The following PELI1 variants were observed in gnomAD, a reference collection of about 807,000 sequenced individuals.
PELI1 encodes E3 ubiquitin-protein ligase pellino homolog 1.
A neutral mutation model predicts 41.3 loss-of-function variants in PELI1; 15 were observed. That is an observed-to-expected ratio of 0.36 (90% CI 0.24 to 0.56). The LOEUF (loss-of-function observed/expected upper bound fraction) is 0.56, where lower values mean the gene tolerates loss of function less well. Among genes scored for constraint, PELI1 ranks in the 20% least tolerant of loss-of-function variants. The pLI is 0.82. For synonymous variants in PELI1, 178 were observed against 180.1 expected (o/e 0.99, Z 0.09); for missense variants, 403 against 525.5 (o/e 0.77, Z 2.28).
At chr2:64,108,170 C>A in intron 2 of PELI1, 70 bp downstream of exon 2, 3 of 834,978 alleles carry the variant, frequency 3.6e-6, no homozygotes, top group Non-Finnish European at 5.9e-6. Context: ...AAAAAAAGTA[C>A]TTTTAGCCTA....
chr2:64,124,786 C>T (rs1404550928), intron 1 of PELI1, among the ~76,000 whole-genome samples: 4 of 152,160 alleles, frequency 2.6e-5, no homozygotes, highest in Non-Finnish European at 5.9e-5. Flanking sequence ...GGGCATCCAA[C>T]AAATCAATTC....
chr2:64,108,096 G>T, intron 2 of PELI1, 144 bp downstream of exon 2: 1 of 586,456 alleles, frequency 1.7e-6, no homozygotes, highest in Non-Finnish European at 3.0e-6. Context: ...AGAGTTTCTT[G>T]ATTTGGTAAC....
At chr2:64,138,079 G>C (rs183547742) in intron 1 of PELI1, among the ~76,000 whole-genome samples, 1 of 151,990 alleles carries the variant, frequency 6.6e-6, no homozygotes, top group African/African-American at 2.4e-5. Flanking sequence ...CGCTCACCCT[G>C]ATCTAGTTAC....
At chr2:64,128,058 TATC>T (rs1434589224) in intron 1 of PELI1, among the ~76,000 whole-genome samples, 3 of 152,106 alleles carry the variant, frequency 2.0e-5, no homozygotes, top group African/African-American at 7.2e-5. Flanking sequence ...TAAAAAAAAA[TATC>T]AACCAGTTTT....
At chr2:64,142,397 A>T (rs1161142406) in intron 1 of PELI1, among the ~76,000 whole-genome samples, 1 of 152,200 alleles carries the variant, frequency 6.6e-6, no homozygotes, top group Non-Finnish European at 1.5e-5. Flanking sequence ...AATTTAAGAG[A>T]ATTTAGAGTA....
intron 3 of PELI1, among the ~76,000 whole-genome samples, chr2:64,101,098 C>G (rs1199058187): frequency 1.3e-5 from 2 of 151,958 alleles, no homozygotes; most frequent in Admixed American, 6.6e-5. Flanking sequence ...AAAACCAAAT[C>G]CCACATAAAA....
intron 1 of PELI1, among the ~76,000 whole-genome samples, chr2:64,143,821 G>GGCC (rs947459070): frequency 6.6e-6 from 1 of 151,756 alleles, no homozygotes; most frequent in African/African-American, 2.4e-5. Context: ...GCTCGGAGTT[G>GGCC]GCCGCCGCGC....
intron 1 of PELI1, among the ~76,000 whole-genome samples, chr2:64,133,949 A>G (rs1681640254): frequency 6.6e-6 from 1 of 152,082 alleles, no homozygotes; most frequent in African/African-American, 2.4e-5. Context: ...ATGATCTCTG[A>G]CTCAGACTGC....
intron 4 of PELI1, among the ~76,000 whole-genome samples, chr2:64,098,390 T>C (rs1680313051): frequency 1.3e-5 from 2 of 152,212 alleles, no homozygotes. Context: ...TCCAGCCGAA[T>C]TTCCTGCTAT....
chr2:64,108,011 C>T (rs1680679094), intron 2 of PELI1, among the ~76,000 whole-genome samples: 1 of 152,154 alleles, frequency 6.6e-6, no homozygotes, highest in African/African-American at 2.4e-5. Flanking sequence ...TCTGCCCTTT[C>T]TGTGGGTAAG....
chr2:64,095,266 C>T lies in PELI1; in HGVS notation c.693G>A (p.Val231=). Residue 231 remains valine (V), a splice_region_variant and synonymous_variant, in exon 7 of 7, where the codon GTG becomes GTA. Coordinates refer to ENST00000358912, the MANE Select transcript of PELI1 (RefSeq NM_020651.4). Reference sequence around the variant, plus strand: ...CTTGTAACTGATTGGTTTCAATTTCCACCTAGAGGAGACAAGAGTTGAAAA... The same window carrying T: ...CTTGTAACTGATTGGTTTCAATTTCTACCTAGAGGAGACAAGAGTTGAAAA... The part of the protein sequence containing the change: ...TRSAQQRGKM[V]EIETNQLQDG... 6.2e-7 allele frequency: 1 copy of T among 1,606,782 alleles called. No homozygotes were observed. The highest frequency in any genetic ancestry group is 8.5e-7 in the Non-Finnish European group (1 of 1,173,894).
At chr2:64,140,810 A>AAAAAAAAAAC (rs1558490182) in intron 1 of PELI1, among the ~76,000 whole-genome samples, 3 of 147,120 alleles carry the variant, frequency 2.0e-5, no homozygotes, top group African/African-American at 7.6e-5. Context: ...CAAACAAACA[A>AAAAAAAAAAC]AAAAAAACCT....
At chr2:64,117,058 C>A (rs1041582893) in intron 1 of PELI1, among the ~76,000 whole-genome samples, 4 of 152,102 alleles carry the variant, frequency 2.6e-5, no homozygotes, top group Non-Finnish European at 5.9e-5. Flanking sequence ...GTTCTGACTG[C>A]TCTACTGTTT....
At chr2:64,098,865 G>T (rs1680329417) in intron 4 of PELI1, among the ~76,000 whole-genome samples, 1 of 152,096 alleles carries the variant, frequency 6.6e-6, no homozygotes, top group African/African-American at 2.4e-5. Flanking sequence ...ATTTTCCAAA[G>T]GTATAATACC....
chr2:64,124,640 C>A (rs1681328902), intron 1 of PELI1, among the ~76,000 whole-genome samples: 2 of 152,304 alleles, frequency 1.3e-5, no homozygotes, highest in East Asian at 3.9e-4. Flanking sequence ...AATTTTAAAT[C>A]TCATAATCTG....
Position 64,094,683 on chromosome 2 carries a change from C to A in PELI1, c.*19G>T. The stretch of plus-strand genomic sequence containing the variant: ...TTAGCTTATAAATTTATAATGTAGT[C>A]CTGCAAGACAATGGTCTGTTAGTCT... On this transcript the variant is annotated 3_prime_UTR_variant, in exon 7 of 7. Coordinates refer to ENST00000358912, the MANE Select transcript of PELI1 (RefSeq NM_020651.4). The A allele has an allele frequency of 6.3e-7, 1 of 1,577,806 alleles. No homozygotes were observed. The highest frequency in any genetic ancestry group is 8.7e-7 in the Non-Finnish European group (1 of 1,149,356).
intron 1 of PELI1, among the ~76,000 whole-genome samples, chr2:64,139,411 T>C (rs904383508): frequency 6.6e-5 from 10 of 152,084 alleles, no homozygotes; most frequent in African/African-American, 2.4e-4. Context: ...GCTTAAGTGA[T>C]CTTCCCACCT....
chr2:64,103,172 A>C (rs1680503970), intron 3 of PELI1, among the ~76,000 whole-genome samples: 1 of 152,134 alleles, frequency 6.6e-6, no homozygotes, highest in African/African-American at 2.4e-5. Flanking sequence ...TAAGATTCTT[A>C]TTGCCTAGTA....
chr2:64,134,441 C>T (rs1461322311), intron 1 of PELI1, among the ~76,000 whole-genome samples: 1 of 152,104 alleles, frequency 6.6e-6, no homozygotes, highest in Admixed American at 6.6e-5. Context: ...CTGAATCATC[C>T]TATTTTAAAT....
Sources: gnomAD v4.1 joint callset for allele counts (sites outside exome capture counted in the v4.1 genomes callset) on GRCh38, gnomAD v4.1.1 for gene constraint, MANE v1.5 for transcripts, NCBI Gene and HGNC (gene_info 2026-07-23, HGNC 2026-07-21) for gene names.